DLG2: variants seen among roughly 807,000 people sequenced by gnomAD.
DLG2 encodes the protein discs large MAGUK scaffold protein 2.
DLG2 carries 45 observed loss-of-function variants against 132.5 expected under a neutral mutation model. The observed-to-expected ratio is 0.34, with a 90% CI of 0.27 to 0.44. The LOEUF is 0.44. Among genes scored for constraint, DLG2 ranks in the 20% least tolerant of loss-of-function variants. DLG2 has a pLI of 1.00. For synonymous variants in DLG2, 424 were observed against 419.6 expected (o/e 1.01, Z -0.13); for missense variants, 1,045 against 1,196.9 (o/e 0.87, Z 1.87).
chr11:84,142,383 TTG>T (rs1421940807), intron 9 of DLG2, among the ~76,000 whole-genome samples: 3 of 149,788 alleles, frequency 2.0e-5, no homozygotes. Flanking sequence ...GAATAAAGCA[TTG>T]TGTGTCATTG....
intron 17 of DLG2, among the ~76,000 whole-genome samples, chr11:83,795,679 T>C (rs759515425): frequency 6.6e-6 from 1 of 152,180 alleles, no homozygotes; most frequent in Non-Finnish European, 1.5e-5. Context: ...ATGATCATTA[T>C]ATTTGCTACT....
intron 17 of DLG2, among the ~76,000 whole-genome samples, chr11:83,787,331 T>G (rs1251764242): frequency 1.9e-5 from 2 of 105,904 alleles, no homozygotes; most frequent in Non-Finnish European, 3.8e-5. Flanking sequence ...TTGTTTTTTT[T>G]TTTTTTTTTA....
intron 3 of DLG2, among the ~76,000 whole-genome samples, chr11:85,348,901 T>G (rs1244115951): frequency 6.6e-6 from 1 of 152,182 alleles, no homozygotes; most frequent in Non-Finnish European, 1.5e-5. Context: ...GACAGTATTC[T>G]TTCTAACATG....
chr11:84,177,530 T>G (rs1351961695), intron 8 of DLG2, among the ~76,000 whole-genome samples: 1 of 152,160 alleles, frequency 6.6e-6, no homozygotes, highest in Non-Finnish European at 1.5e-5. Context: ...TTTAGAAAAG[T>G]TAAATAGCCT....
At chr11:83,837,743 A>AAAAAAAG (rs2056609246) in intron 16 of DLG2, among the ~76,000 whole-genome samples, 1 of 150,330 alleles carries the variant, frequency 6.7e-6, no homozygotes. Context: ...AAAAAAAAAA[A>AAAAAAAG]AAAAGAAAAG....
At chr11:84,364,404 T>C (rs2154424335) in intron 7 of DLG2, among the ~76,000 whole-genome samples, 1 of 152,226 alleles carries the variant, frequency 6.6e-6, no homozygotes, top group Non-Finnish European at 1.5e-5. Context: ...CTTAAGGAGA[T>C]TTTGGGCTGA....
At chr11:85,287,459 T>G (rs528889207) in intron 3 of DLG2, among the ~76,000 whole-genome samples, 1 of 152,074 alleles carries the variant, frequency 6.6e-6, no homozygotes, top group East Asian at 1.9e-4. Context: ...ACTAAGATCA[T>G]AGTCAAATGC....
At chr11:84,742,585 C>T (rs149610130) in intron 6 of DLG2, among the ~76,000 whole-genome samples, 36 of 152,172 alleles carry the variant, frequency 2.4e-4, no homozygotes, top group African/African-American at 8.4e-4. Flanking sequence ...CATAGCATTC[C>T]CTATTATTAA....
intron 4 of DLG2, among the ~76,000 whole-genome samples, chr11:85,184,552 A>T (rs565176733): frequency 3.0e-4 from 46 of 151,988 alleles, no homozygotes; most frequent in African/African-American, 1.0e-3. Context: ...CCATGCTTGG[A>T]GATATAACTG....
chr11:85,526,462 C>T (rs961001869), intron 3 of DLG2, among the ~76,000 whole-genome samples: 3 of 151,864 alleles, frequency 2.0e-5, no homozygotes, highest in Non-Finnish European at 2.9e-5. Flanking sequence ...AAAATGAACA[C>T]AAAATAGGAC....
intron 3 of DLG2, among the ~76,000 whole-genome samples, chr11:85,449,367 T>C (rs2092142687): frequency 6.6e-6 from 1 of 152,074 alleles, no homozygotes; most frequent in South Asian, 2.1e-4. Context: ...CTCTTTGTGA[T>C]AATTTCTTTA....
At chr11:84,635,541 T>A (rs1319371985) in intron 6 of DLG2, among the ~76,000 whole-genome samples, 1 of 152,146 alleles carries the variant, frequency 6.6e-6, no homozygotes, top group Non-Finnish European at 1.5e-5. Flanking sequence ...CAAGTATAAT[T>A]ATTATTATTT....
chr11:85,022,215 A>G (rs1419331509), intron 6 of DLG2, among the ~76,000 whole-genome samples: 2 of 151,982 alleles, frequency 1.3e-5, no homozygotes, highest in African/African-American at 4.8e-5. Context: ...AAGATATTAG[A>G]AAAAATGCAA....
intron 18 of DLG2, among the ~76,000 whole-genome samples, chr11:83,669,729 A>G (rs967615108): frequency 3.9e-5 from 6 of 152,240 alleles, no homozygotes; most frequent in Admixed American, 3.9e-4. Context: ...CCTGAAAAAC[A>G]AAGGAAAAAA....
chr11:84,732,091 C>G (rs1347599077), intron 6 of DLG2, among the ~76,000 whole-genome samples: 1 of 151,996 alleles, frequency 6.6e-6, no homozygotes, highest in African/African-American at 2.4e-5. Context: ...TGAGGTTTAT[C>G]TAGATGGTTG....
intron 18 of DLG2, among the ~76,000 whole-genome samples, chr11:83,781,227 TC>T (rs2094812564): frequency 6.6e-6 from 1 of 152,210 alleles, no homozygotes; most frequent in Non-Finnish European, 1.5e-5. Context: ...TATATATTTC[TC>T]TGTCACTATT....
chr11:84,770,529 G>T (rs556505248), intron 6 of DLG2, among the ~76,000 whole-genome samples: 7 of 152,092 alleles, frequency 4.6e-5, no homozygotes, highest in East Asian at 1.9e-4. Context: ...TCCTCATTAA[G>T]CTCCCACTTT....
intron 18 of DLG2, among the ~76,000 whole-genome samples, chr11:83,732,994 C>T (rs940244496): frequency 3.9e-5 from 6 of 152,128 alleles, no homozygotes; most frequent in African/African-American, 1.4e-4. Context: ...GTAATCCCAG[C>T]ACTTTCGGAG....
At chr11:84,928,493 T>C (rs572005021) in intron 6 of DLG2, among the ~76,000 whole-genome samples, 2 of 151,946 alleles carry the variant, frequency 1.3e-5, no homozygotes, top group Non-Finnish European at 2.9e-5. Flanking sequence ...TAAGTGGTAG[T>C]TTTTAGTGAA....
Sources: allele counts gnomAD v4.1 joint callset (sites outside exome capture counted in the v4.1 genomes callset), GRCh38; gene constraint gnomAD v4.1.1; transcripts MANE v1.5; gene names NCBI Gene and HGNC (gene_info 2026-07-23, HGNC 2026-07-21).